ANO2: variants seen among roughly 807,000 people sequenced by gnomAD.
ANO2 encodes anoctamin-2.
A neutral mutation model predicts 124.2 loss-of-function variants in ANO2; 101 were observed. The ratio of observed to expected loss-of-function variants is 0.81; its 90% CI spans 0.69 to 0.96. The LOEUF (loss-of-function observed/expected upper bound fraction) is 0.96. Ranked by LOEUF, ANO2 falls within the 40% of genes least tolerant of loss-of-function variation. The probability of loss-of-function intolerance (pLI) is 0.00; values close to 1 mark genes in which losing one functional copy is unlikely to be tolerated. For missense variants in ANO2, 1,293 were observed against 1,274.5 expected (o/e 1.01, Z -0.22); for synonymous variants, 486 against 482.5 (o/e 1.01, Z -0.09).
At chr12:5,835,633 C>T (rs1462591857) in intron 4 of ANO2, among the ~76,000 whole-genome samples, 2 of 152,172 alleles carry the variant, frequency 1.3e-5, no homozygotes, top group African/African-American at 4.8e-5. Flanking sequence ...AAGCTAATAA[C>T]CGATGGGGTT....
intron 9 of ANO2, among the ~76,000 whole-genome samples, chr12:5,805,388 G>A (rs1953160110): frequency 6.6e-6 from 1 of 152,114 alleles, no homozygotes; most frequent in Non-Finnish European, 1.5e-5. Context: ...GATGGCATAA[G>A]GGGATCATCG....
intron 14 of ANO2, among the ~76,000 whole-genome samples, chr12:5,676,891 T>G (rs977407140): frequency 6.6e-6 from 1 of 151,954 alleles, no homozygotes; most frequent in African/African-American, 2.4e-5. Context: ...CTGTCTCTAC[T>G]AAAAGTACAA....
intron 10 of ANO2, among the ~76,000 whole-genome samples, chr12:5,784,720 G>A (rs1190062325): frequency 6.6e-6 from 1 of 152,152 alleles, no homozygotes; most frequent in Non-Finnish European, 1.5e-5. Flanking sequence ...AAGAAGGGCT[G>A]GGAAGTCTCC....
intron 14 of ANO2, among the ~76,000 whole-genome samples, chr12:5,652,176 A>G (rs1446561570): frequency 1.3e-5 from 2 of 152,236 alleles, no homozygotes; most frequent in South Asian, 2.1e-4. Flanking sequence ...AAACTGCCAG[A>G]CAATTTCCCA....
chr12:5,640,079 C>A (rs548848496), intron 15 of ANO2, among the ~76,000 whole-genome samples: 6 of 152,072 alleles, frequency 3.9e-5, no homozygotes, highest in Non-Finnish European at 7.4e-5. Flanking sequence ...ACAGGATTGG[C>A]GGAGAGGAAA....
intron 14 of ANO2, among the ~76,000 whole-genome samples, chr12:5,653,479 C>A (rs1259574633): frequency 6.6e-6 from 1 of 152,222 alleles, no homozygotes; most frequent in Non-Finnish European, 1.5e-5. Flanking sequence ...AAATCAGCAT[C>A]TCTAATGGGG....
intron 6 of ANO2, among the ~76,000 whole-genome samples, chr12:5,828,225 AGGCGGGGTTCTGTCT>A (rs1466804748): frequency 6.6e-6 from 1 of 152,088 alleles, no homozygotes; most frequent in East Asian, 1.9e-4. Context: ...ACCTCAGGGA[AGGCGGGGTTCTGTCT>A]GGCGGGTCCC....
chr12:5,614,986 G>A (rs1944727047), intron 17 of ANO2, among the ~76,000 whole-genome samples, 200 bp downstream of exon 17: 1 of 152,072 alleles, frequency 6.6e-6, no homozygotes, highest in Non-Finnish European at 1.5e-5. Flanking sequence ...AAAGTGCCAG[G>A]GTCATCAGAG....
At chr12:5,609,340 C>T (rs750261543) in intron 19 of ANO2, among the ~76,000 whole-genome samples, 2 of 152,038 alleles carry the variant, frequency 1.3e-5, no homozygotes, top group African/African-American at 2.4e-5. Flanking sequence ...CCAATGATCC[C>T]GCCAATCCTC....
At chr12:5,938,871 G>A (rs1942769020) in intron 1 of ANO2, among the ~76,000 whole-genome samples, 1 of 151,524 alleles carries the variant, frequency 6.6e-6, no homozygotes, top group African/African-American at 2.4e-5. Flanking sequence ...CTTTTTTCTT[G>A]TCCTGAGGTA....
At position 5,925,447 on chromosome 12, in the gene ANO2, AC is replaced by A. The variant is rs1423535049; in HGVS notation, c.23-2644del. 2.0e-5 allele frequency among the ~76,000 whole-genome samples: 3 copies of A among 152,062 alleles called. No homozygotes were observed. The highest frequency in any genetic ancestry group is 1.5e-5 in the Non-Finnish European group (1 of 68,012). ...CCCACAAGTGATTAGAGCACAGCAC[AC>A]GGTTCAGCCATCCCAGCCGTCCCAG... On this transcript the variant is annotated intron_variant, in intron 1 of 24. Transcript: ENST00000682330. This position sits in a 1 kb window ranked among gnomAD's most constrained non-coding sequence, Gnocchi z 4.6.
chr12:5,613,507 G>C (rs370067031), intron 17 of ANO2, among the ~76,000 whole-genome samples: 59 of 152,262 alleles, frequency 3.9e-4, no homozygotes, highest in African/African-American at 1.3e-3. Context: ...TATTTTATTG[G>C]GGGACAATAA....
intron 10 of ANO2, among the ~76,000 whole-genome samples, chr12:5,762,384 A>C (rs1951766830): frequency 6.6e-6 from 1 of 152,028 alleles, no homozygotes; most frequent in African/African-American, 2.4e-5. Context: ...TGTATTTATA[A>C]AATGTTACAT....
chr12:5,862,362 A>AC lies in ANO2; in HGVS notation c.535-8222dup, dbSNP rs1955296004. On this transcript the variant is annotated intron_variant, in intron 3 of 24. Transcript: ENST00000682330. The surrounding 1 kb of genome is among the most constrained non-coding windows in gnomAD (Gnocchi z 4.0). ...AAAGACTTCACCTGGTTCCCAACCA[A>AC]CGACCAGGGACAACCCAGGGTCCTA... is the stretch of plus-strand genomic sequence containing the variant. Among the ~76,000 whole-genome samples the AC allele has an allele frequency of 6.6e-6, 1 of 152,188 alleles. No individual in the cohort carries two copies. Among genetic ancestry groups the AC allele is most frequent in the African/African-American group, 2.4e-5 (1 of 41,444 alleles).
At chr12:5,722,787 C>T (rs1421796741) in intron 14 of ANO2, among the ~76,000 whole-genome samples, 4 of 152,070 alleles carry the variant, frequency 2.6e-5, no homozygotes, top group Non-Finnish European at 5.9e-5. Flanking sequence ...TGAATTTATA[C>T]GTGAATAAAA....
intron 14 of ANO2, among the ~76,000 whole-genome samples, chr12:5,714,522 G>A (rs1052051991): frequency 6.6e-6 from 1 of 152,158 alleles, no homozygotes; most frequent in African/African-American, 2.4e-5. Flanking sequence ...CCAGTTATGG[G>A]ATAAAGGCTA....
At chr12:5,854,843 C>A (rs1955049308) in intron 3 of ANO2, among the ~76,000 whole-genome samples, 1 of 151,986 alleles carries the variant, frequency 6.6e-6, no homozygotes, top group African/African-American at 2.4e-5. Flanking sequence ...GTTTCATTGA[C>A]CCAGCAATTC....
chr12:5,924,054 C>T (rs1176537105), intron 1 of ANO2, among the ~76,000 whole-genome samples: 2 of 152,210 alleles, frequency 1.3e-5, no homozygotes, highest in Admixed American at 6.5e-5. Flanking sequence ...TGATTAGAAT[C>T]GTTAGTGTTT....
chr12:5,813,346 T>A (rs534003569), intron 7 of ANO2, among the ~76,000 whole-genome samples: 2 of 152,240 alleles, frequency 1.3e-5, no homozygotes, highest in African/African-American at 4.8e-5. Context: ...GTGCACCCTA[T>A]CTTTATTTTT....
Sources: allele counts gnomAD v4.1 joint callset (sites outside exome capture counted in the v4.1 genomes callset), GRCh38; gene constraint gnomAD v4.1.1; non-coding constraint Gnocchi (gnomAD v3.1); transcripts MANE v1.5; gene names NCBI Gene and HGNC (gene_info 2026-07-23, HGNC 2026-07-21).